The following TCF4 variants were observed in gnomAD, a reference collection of about 807,000 sequenced individuals.
TCF4 encodes SL3-3 enhancer factor 2.
Under a neutral mutation model 82.1 loss-of-function variants are expected in TCF4, and 3 were observed. The observed-to-expected ratio is 0.04, with a 90% CI of 0.02 to 0.09. TCF4 has a LOEUF of 0.09. Ranked by LOEUF, TCF4 falls within the 10% of genes least tolerant of loss-of-function variation. The probability of loss-of-function intolerance (pLI) is 1.00; values close to 1 mark genes in which losing one functional copy is unlikely to be tolerated. For missense variants in TCF4, 518 were observed against 852.7 expected, an observed-to-expected ratio of 0.61 and a Z score of 4.89; for synonymous variants, 276 against 309.6, an observed-to-expected ratio of 0.89 and a Z score of 1.14.
In TCF4 at chr18:55,253,918, A is replaced by C. The variant is rs181464829; in HGVS notation, c.1350+579T>G. ...GACCCAGCAATTCATCCTCAAGGGA[A>C]ACATGTGTCTGCACAAAAACTTAAA... On this transcript the variant is annotated intron_variant, in intron 15 of 19. Transcript: ENST00000354452. Among the ~76,000 whole-genome samples, 8 of 152,366 alleles carry C rather than the reference A, an allele frequency of 5.3e-5. No individual in the cohort carries two copies. The East Asian group carries it at 1.5e-3, about 29-fold the overall frequency.
chr18:55,611,046 G>T (rs912757062), intron 2 of TCF4, among the ~76,000 whole-genome samples: 3 of 152,178 alleles, frequency 2.0e-5, no homozygotes, highest in Non-Finnish European at 4.4e-5. Context: ...GCAGAAGAGA[G>T]AGCATTATGG....
At chr18:55,289,821 CA>C (rs1440147050) in intron 8 of TCF4, among the ~76,000 whole-genome samples, 1 of 151,386 alleles carries the variant, frequency 6.6e-6, no homozygotes, top group Non-Finnish European at 1.5e-5. Flanking sequence ...CCCTATTGTA[CA>C]TTAAGAAGGC....
chr18:55,278,344 A>G (rs2061861753), intron 9 of TCF4, among the ~76,000 whole-genome samples: 1 of 152,180 alleles, frequency 6.6e-6, no homozygotes, highest in Non-Finnish European at 1.5e-5. Flanking sequence ...CACCTGGGCA[A>G]AAAGAGTTAA....
intron 6 of TCF4, among the ~76,000 whole-genome samples, chr18:55,373,906 A>C (rs938692220): frequency 2.0e-5 from 3 of 152,114 alleles, no homozygotes; most frequent in Non-Finnish European, 2.9e-5. Context: ...ATTTTTAAAA[A>C]TCCTACTAGA....
At chr18:55,524,009 G>A (rs183718745) in intron 3 of TCF4, among the ~76,000 whole-genome samples, 1 of 152,098 alleles carries the variant, frequency 6.6e-6, no homozygotes, top group East Asian at 1.9e-4. Context: ...AATTTAGAAG[G>A]TATTGCCGAA....
chr18:55,329,144 C>CAA (rs2077083545), intron 8 of TCF4, among the ~76,000 whole-genome samples: 1 of 152,198 alleles, frequency 6.6e-6, no homozygotes, highest in Non-Finnish European at 1.5e-5. Context: ...GTACATCCAT[C>CAA]ACTGAAGTGC....
At chr18:55,489,995 A>AT (rs2096559073) in intron 3 of TCF4, among the ~76,000 whole-genome samples, 1 of 152,202 alleles carries the variant, frequency 6.6e-6, no homozygotes, top group African/African-American at 2.4e-5. Context: ...ACCAAAATAC[A>AT]TGCGGATACT....
In TCF4 at chr18:55,464,157, T is replaced by C. The variant is rs758306015; in HGVS notation, c.146-20A>G. 8 of 1,612,168 alleles carry C rather than the reference T, an allele frequency of 5.0e-6. No homozygotes were observed. In the East Asian group the frequency reaches 1.3e-4, roughly 27 times the overall value. On this transcript the variant is annotated intron_variant, in intron 3 of 19. Transcript: ENST00000354452. ...CTACATCTAGGGACAAGAGAAAAGTTCTTTAGGCTTTCTTGCAGTAATTTT... is the reference window on the plus strand; with the variant it reads ...CTACATCTAGGGACAAGAGAAAAGTCCTTTAGGCTTTCTTGCAGTAATTTT...
At chr18:55,347,407 C>T (rs953395237) in intron 8 of TCF4, among the ~76,000 whole-genome samples, 2 of 152,168 alleles carry the variant, frequency 1.3e-5, no homozygotes, top group African/African-American at 2.4e-5. Flanking sequence ...CCCCCCGACA[C>T]GCTGTGCTTG....
chr18:55,426,099 T>TTATATATATATATATA (rs35262105), intron 5 of TCF4, among the ~76,000 whole-genome samples: 290 of 138,938 alleles, frequency 2.1e-3, no homozygotes, highest in African/African-American at 7.9e-3. Flanking sequence ...ACAAAAAATT[T>TTATATATATATATATA]TATATATATA....
At chr18:55,344,178 CAAAACCAAG>C (rs2080649456) in intron 8 of TCF4, among the ~76,000 whole-genome samples, 1 of 152,064 alleles carries the variant, frequency 6.6e-6, no homozygotes, top group Non-Finnish European at 1.5e-5. Flanking sequence ...TAGAATTATT[CAAAACCAAG>C]AAAACATAGA....
chr18:55,459,677 TA>T (rs1417184686), intron 5 of TCF4, among the ~76,000 whole-genome samples: 1 of 152,212 alleles, frequency 6.6e-6, no homozygotes, highest in African/African-American at 2.4e-5. Flanking sequence ...TTGATAAATA[TA>T]TCTGGTCACC....
At chr18:55,257,642 G>C (rs2057168697) in intron 13 of TCF4, 2 of 557,676 alleles carry the variant, frequency 3.6e-6, no homozygotes, top group Non-Finnish European at 6.4e-6. Context: ...ACATTTAATT[G>C]ATTCTGAATT....
intron 2 of TCF4, among the ~76,000 whole-genome samples, chr18:55,605,575 A>G (rs1031302280): frequency 2.6e-5 from 4 of 152,234 alleles, no homozygotes; most frequent in African/African-American, 9.6e-5. Flanking sequence ...ACATCTATCT[A>G]CATTGGACAA....
intron 5 of TCF4, among the ~76,000 whole-genome samples, chr18:55,427,501 G>T (rs2147088847): frequency 6.6e-6 from 1 of 152,298 alleles, no homozygotes. Flanking sequence ...GCCTGGGTTT[G>T]AATCCTAGCT....
chr18:55,308,528 T>C (rs909271697), intron 8 of TCF4, among the ~76,000 whole-genome samples: 53 of 152,234 alleles, frequency 3.5e-4, no homozygotes, highest in African/African-American at 1.3e-3. Context: ...TATGCCCGTA[T>C]GGTGGATGTG....
At chr18:55,403,737 C>CCA in intron 5 of TCF4, 1 of 1,536,642 alleles carries the variant, frequency 6.5e-7, no homozygotes, top group Non-Finnish European at 8.7e-7. Flanking sequence ...CCAAACTGCT[C>CCA]CACACTTCCA....
chr18:55,402,962 A>C (rs1296198978), intron 6 of TCF4, among the ~76,000 whole-genome samples: 3 of 152,178 alleles, frequency 2.0e-5, no homozygotes, highest in African/African-American at 7.2e-5. Flanking sequence ...CAGAAACAAA[A>C]AGGGACAACA....
chr18:55,559,041 T>C (rs1335614594), intron 3 of TCF4, among the ~76,000 whole-genome samples: 3 of 111,274 alleles, frequency 2.7e-5, no homozygotes, highest in Non-Finnish European at 5.7e-5. Context: ...ATCTCCCCCC[T>C]AAAAAAAAAA....
Sources: allele counts gnomAD v4.1 joint callset (sites outside exome capture counted in the v4.1 genomes callset), GRCh38; gene constraint gnomAD v4.1.1; transcripts MANE v1.5; gene names NCBI Gene and HGNC (gene_info 2026-07-23, HGNC 2026-07-21).